CTNNA2: variants seen among roughly 807,000 people sequenced by gnomAD.
CTNNA2 encodes catenin alpha 2, also known as catenin alpha-2.
Under a neutral mutation model 101.0 loss-of-function variants are expected in CTNNA2, and 42 were observed. The ratio of observed to expected loss-of-function variants is 0.42; its 90% CI spans 0.32 to 0.54. CTNNA2 has a LOEUF of 0.54. Ranked by LOEUF, CTNNA2 falls within the 20% of genes least tolerant of loss-of-function variation. The pLI, the probability that CTNNA2 is intolerant of heterozygous loss-of-function variation, is 0.14. For synonymous variants in CTNNA2, 450 were observed against 456.4 expected (o/e 0.99, Z 0.18); for missense variants, 871 against 1,223.1 (o/e 0.71, Z 4.29).
At position 80,100,526 on chromosome 2, in the gene CTNNA2, T is replaced by A. The variant is rs1485746293; in HGVS notation, c.1056+190729T>A. Among the ~76,000 whole-genome samples, 3 of 152,284 alleles carry A rather than the reference T, an allele frequency of 2.0e-5. No individual in the cohort carries two copies. In the East Asian group the frequency reaches 5.8e-4, roughly 29 times the overall value. On this transcript the variant is annotated intron_variant, in intron 7 of 18. Coordinates refer to ENST00000402739, the MANE Select transcript of CTNNA2 (RefSeq NM_001282597.3). Reference sequence around the variant, plus strand: ...TTCAAGCATTTTCTATTTACTATATTTGTTTTTTTTCACACATTCTGAAAT... The same window carrying A: ...TTCAAGCATTTTCTATTTACTATATATGTTTTTTTTCACACATTCTGAAAT...
intron 7 of CTNNA2, among the ~76,000 whole-genome samples, chr2:80,166,563 G>A (rs551237858): frequency 1.3e-5 from 2 of 152,270 alleles, no homozygotes; most frequent in African/African-American, 4.8e-5. Flanking sequence ...GCTGTTGGCT[G>A]TTTCTGAGTT....
intron 7 of CTNNA2, among the ~76,000 whole-genome samples, chr2:80,200,354 G>A (rs1707122374): frequency 6.6e-6 from 1 of 152,014 alleles, no homozygotes; most frequent in Non-Finnish European, 1.5e-5. Context: ...ATAAACCCAA[G>A]CTCTTTAATT....
chr2:79,408,333 T>C lies in CTNNA2; in HGVS notation c.-135+34320T>C, dbSNP rs192346422. 3.3e-3 allele frequency among the ~76,000 whole-genome samples: 503 copies of C among 151,476 alleles called. 2 individuals carry two copies. Among genetic ancestry groups the C allele is most frequent in the Non-Finnish European group, 5.1e-3 (344 of 67,866 alleles). ...ATTATTATTATAATACTTTAAGTTT[T>C]AGGGTACATGTACACAATGTGCAGG... On this transcript the variant is annotated intron_variant, in intron 4 of 21. Transcript: ENST00000466387.
At chr2:80,547,690 C>CTTTTTTTTTTTTTTTTTT (rs61186189) in intron 11 of CTNNA2, among the ~76,000 whole-genome samples, 2 of 124,314 alleles carry the variant, frequency 1.6e-5, no homozygotes, top group African/African-American at 6.8e-5. Context: ...GTCACTTCTG[C>CTTTTTTTTTTTTTTTTTT]TTTTTTTTTT....
chr2:79,591,479 C>T (rs1275119283), intron 1 of CTNNA2, among the ~76,000 whole-genome samples: 1 of 143,556 alleles, frequency 7.0e-6, no homozygotes, highest in Non-Finnish European at 1.5e-5. Flanking sequence ...GGGGGAAAAA[C>T]AGCAGAATCT....
chr2:80,193,809 C>T (rs1478176227), intron 7 of CTNNA2, among the ~76,000 whole-genome samples: 1 of 152,132 alleles, frequency 6.6e-6, no homozygotes, highest in East Asian at 1.9e-4. Context: ...CCATATCCAG[C>T]TGTTAATCAT....
At chr2:80,433,188 A>G (rs1349411630) in intron 9 of CTNNA2, among the ~76,000 whole-genome samples, 2 of 152,116 alleles carry the variant, frequency 1.3e-5, no homozygotes, top group African/African-American at 4.8e-5. Context: ...AAAAAACCTA[A>G]TTTGCAATTT....
chr2:79,443,903 A>ACTCTCTCTCTCTCTCT lies in CTNNA2; in HGVS notation c.-134-61128_-134-61113dup, dbSNP rs3979544. ...AAGCTTTTATCTTATTTGTATACATACTCTCTCTCTCTCTCTCTCTCTCTC... is the reference window on the plus strand; with the variant it reads ...AAGCTTTTATCTTATTTGTATACATACTCTCTCTCTCTCTCTCTCTCTCTCTCTCTCTCTCTCTCTC... On this transcript the variant is annotated intron_variant, in intron 4 of 21. Transcript: ENST00000466387. Among the ~76,000 whole-genome samples the ACTCTCTCTCTCTCTCT allele has an allele frequency of 7.5e-4, 106 of 141,886 alleles. 2 individuals carry two copies. Among genetic ancestry groups the ACTCTCTCTCTCTCTCT allele is most frequent in the East Asian group, 4.3e-3 (19 of 4,418 alleles). 93.1% of individuals were successfully genotyped at this position (141,886 alleles called of 152,430 possible). A position where few individuals can be genotyped will look rare whatever the true frequency, so the allele number is the denominator to read the frequency against.
chr2:79,344,492 C>T (rs568704285), intron 3 of CTNNA2, among the ~76,000 whole-genome samples: 12 of 152,120 alleles, frequency 7.9e-5, no homozygotes, highest in African/African-American at 2.7e-4. Flanking sequence ...GTCTCTATAC[C>T]AGTGCACATT....
chr2:79,416,132 A>G, intron 4 of CTNNA2, among the ~76,000 whole-genome samples: 1 of 152,032 alleles, frequency 6.6e-6, no homozygotes, highest in East Asian at 1.9e-4. Context: ...TTCATATTTA[A>G]TAAGACACCT....
chr2:80,212,101 C>G (rs886448169), intron 7 of CTNNA2, among the ~76,000 whole-genome samples: 3 of 152,146 alleles, frequency 2.0e-5, no homozygotes, highest in Non-Finnish European at 4.4e-5. Context: ...TGCCTATCAG[C>G]TTAAGGAGAT....
chr2:79,553,741 C>A (rs190276739), intron 1 of CTNNA2, among the ~76,000 whole-genome samples: 43 of 152,284 alleles, frequency 2.8e-4, no homozygotes, highest in African/African-American at 9.1e-4. Flanking sequence ...TTGATCCATT[C>A]ACCTACTACC....
chr2:79,417,215 GAAC>G (rs558096352), intron 4 of CTNNA2, among the ~76,000 whole-genome samples: 193 of 152,190 alleles, frequency 1.3e-3, no homozygotes, highest in African/African-American at 4.4e-3. Flanking sequence ...GGGAAGATTA[GAAC>G]AAAGCTTGGT....
At chr2:80,274,625 T>A (rs1314202862) in intron 7 of CTNNA2, among the ~76,000 whole-genome samples, 1 of 152,248 alleles carries the variant, frequency 6.6e-6, no homozygotes, top group Non-Finnish European at 1.5e-5. Flanking sequence ...TTAGCATTTT[T>A]CCCTACTGGG....
At chr2:80,540,165 C>T (rs1332388253) in intron 9 of CTNNA2, among the ~76,000 whole-genome samples, 1 of 152,198 alleles carries the variant, frequency 6.6e-6, no homozygotes, top group Non-Finnish European at 1.5e-5. Flanking sequence ...CTCCTCCATA[C>T]TTCCCCTTAT....
rs370307494 is a variant in CTNNA2, at chr2:79,519,327, A to G, written c.-6+6120A>G. On this transcript the variant is annotated intron_variant, in intron 1 of 18. Coordinates refer to ENST00000402739, the MANE Select transcript of CTNNA2 (RefSeq NM_001282597.3). Reference sequence around the variant, plus strand: ...GCCTTTCATGTATTTTTTTTATTATATTACCTAGCATGAATTCATTCAACA... The same window carrying G: ...GCCTTTCATGTATTTTTTTTATTATGTTACCTAGCATGAATTCATTCAACA... 2.7e-5 allele frequency among the ~76,000 whole-genome samples: 4 copies of G among 150,446 alleles called. No homozygotes were observed. The South Asian group carries it at 8.4e-4, about 32-fold the overall frequency.
chr2:80,422,177 C>T (rs1033438482), intron 9 of CTNNA2, among the ~76,000 whole-genome samples: 1 of 152,090 alleles, frequency 6.6e-6, no homozygotes, highest in African/African-American at 2.4e-5. Context: ...TGGCGGAAGG[C>T]AAAGGAAGAG....
chr2:80,176,566 T>C (rs1705409327), intron 7 of CTNNA2, among the ~76,000 whole-genome samples: 1 of 152,224 alleles, frequency 6.6e-6, no homozygotes. Context: ...TTTTTTTACC[T>C]GGTGGAGTGA....
At chr2:79,661,449 T>G (rs1315660513) in intron 2 of CTNNA2, among the ~76,000 whole-genome samples, 1 of 152,234 alleles carries the variant, frequency 6.6e-6, no homozygotes, top group African/African-American at 2.4e-5. Context: ...GAAATGACTG[T>G]GTTTAATGTA....
Sources: allele counts gnomAD v4.1 joint callset (sites outside exome capture counted in the v4.1 genomes callset), GRCh38; gene constraint gnomAD v4.1.1; transcripts MANE v1.5; gene names NCBI Gene and HGNC (gene_info 2026-07-23, HGNC 2026-07-21).